The following YES1 variants were observed in gnomAD, a reference collection of about 807,000 sequenced individuals.
YES1 encodes tyrosine-protein kinase Yes.
Under a neutral mutation model 70.4 loss-of-function variants are expected in YES1, and 39 were observed. The ratio of observed to expected loss-of-function variants is 0.55; its 90% CI spans 0.43 to 0.72. The LOEUF is 0.72. Among genes scored for constraint, YES1 ranks in the 30% least tolerant of loss-of-function variants. The pLI is 0.00. For missense variants in YES1, 495 were observed against 644.8 expected, an observed-to-expected ratio of 0.77 and a Z score of 2.52; for synonymous variants, 198 against 218.6, an observed-to-expected ratio of 0.91 and a Z score of 0.83.
chr18:773,431 C>T (rs1905239941), intron 1 of YES1, among the ~76,000 whole-genome samples: 1 of 152,160 alleles, frequency 6.6e-6, no homozygotes, highest in Non-Finnish European at 1.5e-5. Flanking sequence ...AGCCCCTTTC[C>T]TATTTCTTAT....
chr18:801,415 T>C (rs1286459378), intron 1 of YES1, among the ~76,000 whole-genome samples: 2 of 152,182 alleles, frequency 1.3e-5, no homozygotes, highest in Non-Finnish European at 2.9e-5. Context: ...CCTCACTTCC[T>C]CTAGAAGTAT....
chr18:793,860 GA>G (rs553777312), intron 1 of YES1, among the ~76,000 whole-genome samples: 1 of 150,162 alleles, frequency 6.7e-6, no homozygotes, highest in Non-Finnish European at 1.5e-5. Context: ...TGAGCATCAA[GA>G]AAAAAAAATG....
rs182554065 is a variant in YES1, at chr18:791,599, C to T, written c.-9+20515G>A. ...TAATGTGAACCACAAATACAAACCA[C>T]ATATGCAATTTTAAATTTTCCAGTA... On this transcript the variant is annotated intron_variant, in intron 1 of 11. Transcript: ENST00000314574. 1.2e-4 allele frequency among the ~76,000 whole-genome samples: 19 copies of T among 152,270 alleles called. No individual in the cohort carries two copies. In the East Asian group the frequency reaches 3.5e-3, roughly 28 times the overall value.
chr18:736,466 T>C (rs764659420), intron 10 of YES1: 4 of 173,360 alleles, frequency 2.3e-5, no homozygotes, highest in Non-Finnish European at 4.9e-5. Flanking sequence ...TTGTCAGATG[T>C]CCCCTGGTGA....
At chr18:766,534 G>C (rs938340336) in intron 1 of YES1, among the ~76,000 whole-genome samples, 1 of 150,776 alleles carries the variant, frequency 6.6e-6, no homozygotes, top group Admixed American at 6.6e-5. Context: ...TTAGAGTTAG[G>C]AATACTTCCA....
At chr18:811,386 A>C (rs1013673431) in intron 1 of YES1, among the ~76,000 whole-genome samples, 1 of 152,226 alleles carries the variant, frequency 6.6e-6, no homozygotes, top group Non-Finnish European at 1.5e-5. Flanking sequence ...TTGATTTTCA[A>C]AGAGCTTCTT....
rs146572824 is a variant in YES1, at chr18:803,727, G to A, written c.-9+8387C>T. Reference sequence around the variant, plus strand: ...AGGAGCTGGTAAGGTGGGAAAGGAGGGTGACTGGCAAGGCTACAGGTTCAC... The same window carrying A: ...AGGAGCTGGTAAGGTGGGAAAGGAGAGTGACTGGCAAGGCTACAGGTTCAC... On this transcript the variant is annotated intron_variant, in intron 1 of 11. Coordinates refer to ENST00000314574, the MANE Select transcript of YES1 (RefSeq NM_005433.4). Among the ~76,000 whole-genome samples the A allele has an allele frequency of 3.8e-4, 58 of 152,248 alleles. 1 individual carries two copies. In the East Asian group the frequency reaches 0.011, roughly 29 times the overall value.
At chr18:804,559 G>A (rs1422714048) in intron 1 of YES1, among the ~76,000 whole-genome samples, 2 of 137,988 alleles carry the variant, frequency 1.4e-5, no homozygotes, top group Admixed American at 7.9e-5. Flanking sequence ...GCAGTGAGCC[G>A]AGATTGCACC....
chr18:769,219 CAT>C (rs1361133995), intron 1 of YES1, among the ~76,000 whole-genome samples: 1 of 152,168 alleles, frequency 6.6e-6, no homozygotes. Flanking sequence ...AATGTCAGAA[CAT>C]ATTCCTGTCT....
At chr18:757,229 C>A (rs373500163) in intron 1 of YES1, among the ~76,000 whole-genome samples, 1 of 152,176 alleles carries the variant, frequency 6.6e-6, no homozygotes, top group African/African-American at 2.4e-5. Context: ...TATCGCTGGG[C>A]GCAGTGGCTC....
At chr18:772,280 C>A (rs1360430988) in intron 1 of YES1, among the ~76,000 whole-genome samples, 1 of 151,946 alleles carries the variant, frequency 6.6e-6, no homozygotes, top group East Asian at 1.9e-4. Context: ...CCTCCCACTT[C>A]GGCCTCCCAA....
intron 10 of YES1, among the ~76,000 whole-genome samples, chr18:733,799 A>G (rs1477294811): frequency 5.3e-5 from 8 of 151,002 alleles, no homozygotes; most frequent in African/African-American, 1.9e-4. Flanking sequence ...AAAAAAAAAA[A>G]AAAAAAAAAA....
intron 1 of YES1, among the ~76,000 whole-genome samples, chr18:757,484 C>G (rs1904347505): frequency 7.6e-6 from 1 of 132,292 alleles, no homozygotes; most frequent in African/African-American, 2.9e-5. Context: ...GCCTGGGCGA[C>G]AGAGCGAGAC....
At chr18:781,766 T>C (rs1480521805) in intron 1 of YES1, among the ~76,000 whole-genome samples, 1 of 150,590 alleles carries the variant, frequency 6.6e-6, no homozygotes, top group Non-Finnish European at 1.5e-5. Flanking sequence ...TGAATTTCCT[T>C]TTTTTTTTGG....
intron 1 of YES1, among the ~76,000 whole-genome samples, chr18:766,346 C>T (rs995484066): frequency 6.6e-6 from 1 of 152,028 alleles, no homozygotes; most frequent in African/African-American, 2.4e-5. Context: ...TCGATGATGC[C>T]TAGATCAAAT....
At chr18:730,172 C>T (rs1348903625) in intron 11 of YES1, among the ~76,000 whole-genome samples, 1 of 152,046 alleles carries the variant, frequency 6.6e-6, no homozygotes, top group Non-Finnish European at 1.5e-5. Context: ...AACAAAAAGC[C>T]TAGCGTATTC....
intron 1 of YES1, among the ~76,000 whole-genome samples, chr18:758,134 C>T (rs1416385637): frequency 6.6e-6 from 1 of 152,064 alleles, no homozygotes; most frequent in African/African-American, 2.4e-5. Flanking sequence ...GTAAAATTAA[C>T]TTTAGTATTT....
At chr18:727,607 T>C (rs2080036606) in intron 11 of YES1, among the ~76,000 whole-genome samples, 1 of 152,216 alleles carries the variant, frequency 6.6e-6, no homozygotes, top group Non-Finnish European at 1.5e-5. Context: ...CTTGTTATTT[T>C]AGTAGTTATC....
intron 2 of YES1, among the ~76,000 whole-genome samples, chr18:755,955 C>A (rs756840931): frequency 6.6e-6 from 1 of 152,136 alleles, no homozygotes; most frequent in Non-Finnish European, 1.5e-5. Context: ...AGGTTGTCAA[C>A]AATCACTTCT....
Sources: gnomAD v4.1 joint callset for allele counts (sites outside exome capture counted in the v4.1 genomes callset) on GRCh38, gnomAD v4.1.1 for gene constraint, MANE v1.5 for transcripts, NCBI Gene and HGNC (gene_info 2026-07-23, HGNC 2026-07-21) for gene names.